MYO16: variants seen among roughly 807,000 people sequenced by gnomAD.
MYO16 encodes unconventional myosin-XVI.
A neutral mutation model predicts 205.3 loss-of-function variants in MYO16; 94 were observed. That is an observed-to-expected ratio of 0.46 (90% CI 0.39 to 0.54). The LOEUF (loss-of-function observed/expected upper bound fraction) is 0.54. Among genes scored for constraint, MYO16 ranks in the 20% least tolerant of loss-of-function variants. The probability of loss-of-function intolerance (pLI) is 0.00; values close to 1 mark genes in which losing one functional copy is unlikely to be tolerated. For synonymous variants in MYO16, 988 were observed against 954.0 expected (o/e 1.04, Z -0.66); for missense variants, 2,315 against 2,387.5 (o/e 0.97, Z 0.63).
rs1877027001 is a variant in MYO16 at position 109,140,749 on chromosome 13, C to A, written c.4537C>A (p.Pro1513Thr). 2 of 1,535,006 alleles carry A rather than the reference C, an allele frequency of 1.3e-6. No homozygotes were observed. The highest frequency in any genetic ancestry group is 1.7e-6 in the Non-Finnish European group (2 of 1,142,896). ...CCCCAACCTGCTGCCGCACCGGCCG[C>A]CCCTGCTGGTGTTCCCCCCGACCCC... ...PFPNLLPHRPPLLVFPPTPVT... is the reference protein window; with the variant it reads ...PFPNLLPHRPTLLVFPPTPVT... The change falls in exon 32 of 35, where the codon CCC becomes ACC. Residue 1513 changes from proline to threonine, a missense_variant. Around this residue, in one of 3 missense-constraint regions of MYO16, gnomAD observed 1,097 missense variants for 1,092.0 expected, o/e 1.00. Transcript: ENST00000457511. The surrounding 1 kb of genome is among the most constrained non-coding windows in gnomAD (Gnocchi z 8.0).
intron 9 of MYO16, among the ~76,000 whole-genome samples, chr13:108,839,500 G>T (rs1222019874): frequency 6.6e-6 from 1 of 151,998 alleles, no homozygotes; most frequent in Non-Finnish European, 1.5e-5. Flanking sequence ...TTCTTGCTCA[G>T]TTTGTCAGAC....
chr13:108,779,261 G>GGT (rs2138904130), intron 4 of MYO16, among the ~76,000 whole-genome samples: 1 of 152,236 alleles, frequency 6.6e-6, no homozygotes, highest in East Asian at 1.9e-4. Context: ...ATTCTTGAAA[G>GGT]GTGTCTTGTT....
chr13:109,099,940 C>T (rs1312625913), intron 27 of MYO16, among the ~76,000 whole-genome samples: 3 of 152,202 alleles, frequency 2.0e-5, no homozygotes, highest in Admixed American at 2.0e-4. Context: ...AAACTGATGA[C>T]TTCAGCTTTG....
chr13:108,793,777 G>A (rs987129369), intron 6 of MYO16, 137 bp downstream of exon 6: 23 of 1,016,432 alleles, frequency 2.3e-5, no homozygotes, highest in African/African-American at 4.9e-5. Context: ...AGAAGTTTTG[G>A]AAAACACCTA....
chr13:108,587,439 G>A, the MYO16 span, among the ~76,000 whole-genome samples: 1 of 152,104 alleles, frequency 6.6e-6, no homozygotes, highest in Non-Finnish European at 1.5e-5. Flanking sequence ...AATTGAGCTA[G>A]TTTCATCATC....
intron 1 of MYO16, among the ~76,000 whole-genome samples, chr13:108,607,911 C>T (rs1879021042): frequency 6.6e-6 from 1 of 152,150 alleles, no homozygotes; most frequent in Admixed American, 6.5e-5. Context: ...GGGTTTCACC[C>T]CTCTCTTCTC....
chr13:108,676,403 G>GTGTGTGTGTGTGTGTGTGTGTT (rs143639000), intron 2 of MYO16, among the ~76,000 whole-genome samples: 35 of 148,224 alleles, frequency 2.4e-4, no homozygotes, highest in Non-Finnish European at 4.8e-4. Context: ...GTGTGTGTGT[G>GTGTGTGTGTGTGTGTGTGTGTT]TGTGCCAGCC....
chr13:108,897,352 C>T (rs1258870361), intron 14 of MYO16, among the ~76,000 whole-genome samples: 1 of 152,102 alleles, frequency 6.6e-6, no homozygotes, highest in Non-Finnish European at 1.5e-5. Context: ...CCAGGGTTGG[C>T]CTGAGGAGCT....
At chr13:108,571,301 GAAA>G in the MYO16 span, among the ~76,000 whole-genome samples, 1 of 127,090 alleles carries the variant, frequency 7.9e-6, no homozygotes. Context: ...GCCCTGGGAT[GAAA>G]AAAAAAAAAA....
chr13:109,059,993 C>G (rs1276774349), intron 27 of MYO16, among the ~76,000 whole-genome samples: 3 of 152,054 alleles, frequency 2.0e-5, no homozygotes, highest in African/African-American at 7.2e-5. Context: ...ACAACAGATG[C>G]TGGAGAGGAT....
At chr13:109,077,410 C>T (rs1273664150) in intron 27 of MYO16, among the ~76,000 whole-genome samples, 1 of 152,112 alleles carries the variant, frequency 6.6e-6, no homozygotes, top group African/African-American at 2.4e-5. Context: ...TTCCCTCAAA[C>T]TCACAGCCTC....
chr13:108,642,417 C>T (rs527839932), intron 1 of MYO16, among the ~76,000 whole-genome samples: 10 of 152,110 alleles, frequency 6.6e-5, no homozygotes, highest in Non-Finnish European at 1.2e-4. Flanking sequence ...CCACTTTAAT[C>T]AGACACGTTG....
intron 2 of MYO16, among the ~76,000 whole-genome samples, chr13:108,685,502 C>T (rs771309795): frequency 3.9e-5 from 6 of 152,164 alleles, no homozygotes; most frequent in South Asian, 2.1e-4. Context: ...ACAACACCTA[C>T]GCATGTGATC....
At chr13:108,984,624 G>T (rs1198904784) in intron 20 of MYO16, among the ~76,000 whole-genome samples, 1 of 152,132 alleles carries the variant, frequency 6.6e-6, no homozygotes, top group African/African-American at 2.4e-5. Context: ...ATCCTGAATT[G>T]CTGGCCTCTA....
At chr13:108,828,615 G>T (rs751313439) in intron 9 of MYO16, among the ~76,000 whole-genome samples, 1 of 152,040 alleles carries the variant, frequency 6.6e-6, no homozygotes, top group East Asian at 1.9e-4. Flanking sequence ...GTGAGATGAC[G>T]CAGGGTAGGG....
chr13:108,969,863 A>G (rs1883942439), intron 20 of MYO16, among the ~76,000 whole-genome samples: 2 of 152,190 alleles, frequency 1.3e-5, no homozygotes, highest in African/African-American at 4.8e-5. Context: ...CATCTTAAGA[A>G]CACACCTTGT....
chr13:108,756,339 C>T (rs1885421527), intron 4 of MYO16, among the ~76,000 whole-genome samples: 1 of 152,024 alleles, frequency 6.6e-6, no homozygotes, highest in South Asian at 2.1e-4. Context: ...GTCAACATTG[C>T]AGCATTTCAT....
chr13:109,187,678 G>T (rs780597467), intron 34 of MYO16, among the ~76,000 whole-genome samples: 21 of 152,138 alleles, frequency 1.4e-4, no homozygotes, highest in Non-Finnish European at 2.9e-4. Flanking sequence ...CCTTTCTGCT[G>T]CTGAATTCTA....
intron 4 of MYO16, among the ~76,000 whole-genome samples, chr13:108,734,195 CT>C (rs57106194): frequency 0.056 from 8,108 of 144,698 alleles, 659 homozygotes; most frequent in African/African-American, 0.18. Context: ...TATAATATTG[CT>C]TTTTTTTTTT....
Sources: allele counts gnomAD v4.1 joint callset (sites outside exome capture counted in the v4.1 genomes callset), GRCh38; gene constraint gnomAD v4.1.1; regional missense constraint gnomAD v4.1.1; non-coding constraint Gnocchi (gnomAD v3.1); transcripts MANE v1.5; gene names NCBI Gene and HGNC (gene_info 2026-07-23, HGNC 2026-07-21).